Variants in PDE11A observed in about 807,000 individuals in gnomAD.
PDE11A encodes phosphodiesterase 11A.
Under a neutral mutation model 100.5 loss-of-function variants are expected in PDE11A, and 100 were observed. The ratio of observed to expected loss-of-function variants is 1.00; its 90% CI spans 0.85 to 1.18. The LOEUF is 1.18. Ranked by LOEUF, PDE11A falls within the 50% of genes most tolerant of loss-of-function variation. PDE11A has a pLI of 0.00. For synonymous variants in PDE11A, 381 were observed against 420.8 expected, an observed-to-expected ratio of 0.91 and a Z score of 1.16; for missense variants, 1,141 against 1,152.6, an observed-to-expected ratio of 0.99 and a Z score of 0.15.
intron 9 of PDE11A, among the ~76,000 whole-genome samples, chr2:177,811,064 G>C (rs7607094): frequency 0.021 from 3,244 of 152,186 alleles, 127 homozygotes; most frequent in African/African-American, 0.074. Context: ...ATTAGGTAAG[G>C]CTTCATTTGC....
rs1015110503 is a variant in PDE11A, at chr2:177,728,034, C to A, written c.1927G>T (p.Asp643Tyr). 1 of 1,613,036 alleles carries A rather than the reference C, an allele frequency of 6.2e-7. No homozygotes were observed. Among genetic ancestry groups the A allele is most frequent in the African/African-American group, 1.3e-5 (1 of 74,852 alleles). ...CAAGACAGACATCTTACCTCATAGTCAATTTTAAATTTCTGTACCATCCCC... is the reference window on the plus strand; with the variant it reads ...CAAGACAGACATCTTACCTCATAGTAAATTTTAAATTTCTGTACCATCCCC... ...ELGMVQKFKI[D>Y]YETLCRWLLT... The change falls in exon 11 of 20, where the codon GAC (aspartate) becomes TAC (tyrosine). Residue 643 changes from aspartate (D) to tyrosine (Y), a missense_variant. Coordinates refer to ENST00000286063, the MANE Select transcript of PDE11A (RefSeq NM_016953.4).
At chr2:178,022,493 A>C (rs971125643) in intron 1 of PDE11A, among the ~76,000 whole-genome samples, 2 of 149,750 alleles carry the variant, frequency 1.3e-5, no homozygotes, top group Non-Finnish European at 3.0e-5. Flanking sequence ...TTTTTTTTTT[A>C]ATTTCAGGAA....
chr2:177,886,259 C>A (rs145201296), intron 4 of PDE11A, among the ~76,000 whole-genome samples: 11 of 152,304 alleles, frequency 7.2e-5, no homozygotes, highest in South Asian at 2.1e-4. Context: ...TTTCCTTCTT[C>A]CCAGTCTAAT....
intron 2 of PDE11A, among the ~76,000 whole-genome samples, chr2:177,992,067 A>T (rs2086011460): frequency 6.6e-6 from 1 of 151,364 alleles, no homozygotes; most frequent in Non-Finnish European, 1.5e-5. Flanking sequence ...TAAATAATAT[A>T]TTACTGCTTT....
In PDE11A at chr2:177,711,849, C is replaced by T; in HGVS notation, c.2073G>A (p.Glu691=). 1.2e-6 allele frequency: 2 copies of T among 1,612,218 alleles called. No individual in the cohort carries two copies. The highest frequency in any genetic ancestry group is 1.3e-5 in the African/African-American group (1 of 74,998). The part of the protein sequence containing the change: ...TTAGFQDILT[E]VEILAVIVGC... ...CCACAATCACCGCTAAAATTTCCAC[C>T]TCGGTCAGAATGTCTTGAAACCCAG... Residue 691 remains glutamate (E), a synonymous_variant, in exon 13 of 20, where the codon GAG becomes GAA. Transcript: ENST00000286063.
chr2:177,991,256 G>A (rs1045443685), intron 2 of PDE11A, among the ~76,000 whole-genome samples: 5 of 149,254 alleles, frequency 3.3e-5, no homozygotes, highest in African/African-American at 9.9e-5. Flanking sequence ...GCTTGAACCT[G>A]GGAGGCGGAG....
intron 2 of PDE11A, among the ~76,000 whole-genome samples, chr2:177,972,253 G>A (rs141967456): frequency 2.6e-5 from 4 of 152,308 alleles, no homozygotes; most frequent in Non-Finnish European, 5.9e-5. Context: ...GGAAAGAGAA[G>A]CCTGAGAAGG....
intron 2 of PDE11A, among the ~76,000 whole-genome samples, chr2:177,924,294 C>A (rs974130845): frequency 6.6e-6 from 1 of 152,196 alleles, no homozygotes; most frequent in Non-Finnish European, 1.5e-5. Flanking sequence ...ATGATCAAAT[C>A]AGAGCCTGAC....
rs2087135417 is a variant in PDE11A, at chr2:178,071,821, A to G, written c.617T>C (p.Leu206Pro). 6.2e-7 allele frequency: 1 copy of G among 1,614,054 alleles called. No homozygotes were observed. The highest frequency in any genetic ancestry group is 8.5e-7 in the Non-Finnish European group (1 of 1,179,912). The part of the protein sequence containing the change: ...LKKHNERQFF[L>P]ELVKDISNDL... ...ATTGGAGATATCTTTGACCAATTCC[A>G]GAAAGAACTGACGCTCATTATGCTT... Residue 206 changes from leucine to proline, a missense_variant, in exon 1 of 20, where the codon CTG (leucine) becomes CCG (proline). Leu to Pro is a moderately conservative substitution (Grantham distance 98). Transcript: ENST00000286063.
chr2:178,011,297 C>T (rs1200577745), intron 2 of PDE11A, among the ~76,000 whole-genome samples: 1 of 152,076 alleles, frequency 6.6e-6, no homozygotes, highest in Non-Finnish European at 1.5e-5. Flanking sequence ...TTGACCAAAT[C>T]CTGGCTGTGC....
intron 2 of PDE11A, among the ~76,000 whole-genome samples, chr2:178,086,232 G>A (rs1225786793): frequency 1.3e-5 from 2 of 151,780 alleles, no homozygotes; most frequent in Admixed American, 1.3e-4. Context: ...TCCAAAAAAT[G>A]CAAAAGTGTA....
chr2:177,715,132 G>C (rs372732165), intron 12 of PDE11A, among the ~76,000 whole-genome samples: 15 of 152,330 alleles, frequency 9.8e-5, no homozygotes, highest in African/African-American at 3.6e-4. Context: ...TCGAGGATTT[G>C]CATGACTGAA....
chr2:177,722,657 T>C (rs2105441162), intron 12 of PDE11A, among the ~76,000 whole-genome samples: 1 of 152,294 alleles, frequency 6.6e-6, no homozygotes, highest in African/African-American at 2.4e-5. Flanking sequence ...TCAAATTGAT[T>C]AGCCCCATAG....
intron 9 of PDE11A, among the ~76,000 whole-genome samples, chr2:177,805,663 G>A (rs1263629220): frequency 6.6e-6 from 1 of 152,146 alleles, no homozygotes; most frequent in Non-Finnish European, 1.5e-5. Flanking sequence ...GAGAGGGATA[G>A]ATGATAGACT....
At chr2:177,840,104 T>TAAA (rs1235954918) in intron 6 of PDE11A, 147 bp downstream of exon 6, 1 of 785,342 alleles carries the variant, frequency 1.3e-6, no homozygotes, top group Non-Finnish European at 2.1e-6. Flanking sequence ...TTTTCTAACT[T>TAAA]AGAGTCAACA....
chr2:178,033,431 A>G (rs2086572942), intron 1 of PDE11A, among the ~76,000 whole-genome samples: 1 of 152,212 alleles, frequency 6.6e-6, no homozygotes, highest in African/African-American at 2.4e-5. Flanking sequence ...TGATTACTGT[A>G]CCTGAAAGTG....
At chr2:177,839,511 C>T (rs1467303525) in intron 6 of PDE11A, among the ~76,000 whole-genome samples, 1 of 152,124 alleles carries the variant, frequency 6.6e-6, no homozygotes, top group Non-Finnish European at 1.5e-5. Context: ...TTTTGGTGAT[C>T]TGGTCCCTGC....
chr2:177,983,616 AAAAC>A (rs145924465), intron 2 of PDE11A, among the ~76,000 whole-genome samples: 9,635 of 152,286 alleles, frequency 0.063, 311 homozygotes, highest in South Asian at 0.093. Context: ...AATTACTTAA[AAAAC>A]AAACAAACAA....
chr2:177,646,515 A>C (rs773818757), intron 19 of PDE11A, among the ~76,000 whole-genome samples: 12 of 152,230 alleles, frequency 7.9e-5, no homozygotes, highest in Non-Finnish European at 1.6e-4. Flanking sequence ...AACTAAGTTA[A>C]AGAGCCAAAG....
Sources: allele counts gnomAD v4.1 joint callset (sites outside exome capture counted in the v4.1 genomes callset), GRCh38; gene constraint gnomAD v4.1.1; transcripts MANE v1.5; gene names NCBI Gene and HGNC (gene_info 2026-07-23, HGNC 2026-07-21).